GABRR3: variants seen among roughly 807,000 people sequenced by gnomAD.
GABRR3 encodes the protein gamma-aminobutyric acid type A receptor subunit rho3.
A neutral mutation model predicts 43.2 loss-of-function variants in GABRR3; 29 were observed. The ratio of observed to expected loss-of-function variants is 0.67; its 90% CI spans 0.50 to 0.92. GABRR3 has a LOEUF of 0.92. Ranked by LOEUF, GABRR3 falls within the 40% of genes least tolerant of loss-of-function variation. GABRR3 has a pLI of 0.00. For missense variants in GABRR3, 576 were observed against 572.3 expected (o/e 1.01, Z -0.07); for synonymous variants, 206 against 195.9 (o/e 1.05, Z -0.43).
chr3:98,035,011 A>G (rs1471889037), intron 1 of GABRR3, 22 bp from the exon 2 acceptor site: 1 of 1,606,868 alleles, frequency 6.2e-7, no homozygotes, highest in East Asian at 2.2e-5. Context: ...AAAAAACAGA[A>G]AGGATGCAGG....
intron 3 of GABRR3, among the ~76,000 whole-genome samples, chr3:98,024,691 G>T (rs1425326661): frequency 6.6e-6 from 1 of 152,050 alleles, no homozygotes; most frequent in African/African-American, 2.4e-5. Context: ...CACATCTCTA[G>T]GATTCTCAAA....
At chr3:98,008,778 C>A (rs1042536717) in intron 6 of GABRR3, among the ~76,000 whole-genome samples, 178 bp downstream of exon 6, 1 of 139,504 alleles carries the variant, frequency 7.2e-6, no homozygotes, top group East Asian at 2.1e-4. Context: ...CTGCCATCAA[C>A]CTTCATAAAA....
At chr3:98,004,339 A>C (rs1349702336) in intron 7 of GABRR3, among the ~76,000 whole-genome samples, 1 of 152,182 alleles carries the variant, frequency 6.6e-6, no homozygotes, top group East Asian at 1.9e-4. Flanking sequence ...TATAGAGAGT[A>C]TTATGAAACC....
In GABRR3 at chr3:98,022,746, T is replaced by C. The variant is rs148113271; in HGVS notation, c.238+2821A>G. On this transcript the variant is annotated intron_variant, in intron 3 of 9. Transcript: ENST00000621172. ...ACCATTTCACCCCAGTATATGATTG[T>C]CAGAAAAATTTCTTAATCATGGGAT... Among the ~76,000 whole-genome samples, 27 of 152,304 alleles carry C rather than the reference T, an allele frequency of 1.8e-4. 1 individual carries two copies. In the East Asian group the frequency reaches 5.2e-3, roughly 29 times the overall value.
At chr3:98,015,011 T>G (rs1211847820) in intron 4 of GABRR3, among the ~76,000 whole-genome samples, 6 of 152,146 alleles carry the variant, frequency 3.9e-5, no homozygotes, top group African/African-American at 1.2e-4. Context: ...TAAAAACAAC[T>G]TTTGAAAGTT....
intron 4 of GABRR3, 88 bp from the exon 5 acceptor site, chr3:98,012,655 C>T (rs1576044333): frequency 1.5e-5 from 13 of 853,740 alleles, no homozygotes; most frequent in Non-Finnish European, 2.5e-5. Context: ...GGACTCATTC[C>T]TATGGTGTTA....
At chr3:97,999,657 T>G (rs1486339464) in intron 8 of GABRR3, 1 of 152,100 alleles carries the variant, frequency 6.6e-6, no homozygotes, top group African/African-American at 2.4e-5. Context: ...CGGAGAGTAT[T>G]GAAAGCTAAT....
intron 3 of GABRR3, among the ~76,000 whole-genome samples, chr3:98,020,223 G>A (rs1440403644): frequency 6.6e-6 from 1 of 152,086 alleles, no homozygotes; most frequent in African/African-American, 2.4e-5. Flanking sequence ...ATGAGAGTAA[G>A]TAATGTCTCT....
chr3:97,994,249 C>T (rs987877886), intron 8 of GABRR3, among the ~76,000 whole-genome samples: 1 of 152,212 alleles, frequency 6.6e-6, no homozygotes, highest in African/African-American at 2.4e-5. Flanking sequence ...TGTAATAATT[C>T]TGTTAGGCTC....
chr3:97,995,298 C>T (rs1706521319), intron 8 of GABRR3, among the ~76,000 whole-genome samples: 1 of 152,060 alleles, frequency 6.6e-6, no homozygotes, highest in African/African-American at 2.4e-5. Context: ...AATGTCTTCT[C>T]TTATTGGTTT....
exon 2 of GABRR3, chr3:98,034,909 T>A (rs1323277089): frequency 6.2e-7 from 1 of 1,613,102 alleles, no homozygotes; most frequent in East Asian, 2.2e-5. Flanking sequence ...GTCATCTTGA[T>A]GTTAGAAGCA....
At chr3:98,015,278 C>T (rs1706860260) in intron 4 of GABRR3, among the ~76,000 whole-genome samples, 1 of 152,194 alleles carries the variant, frequency 6.6e-6, no homozygotes. Flanking sequence ...GTATAACCTC[C>T]ACCTCCCAGG....
chr3:97,990,815 T>C (rs1706457488), intron 9 of GABRR3, among the ~76,000 whole-genome samples: 1 of 151,704 alleles, frequency 6.6e-6, no homozygotes, highest in Non-Finnish European at 1.5e-5. Context: ...TGCTGTTTGA[T>C]GGGTACAGAG....
At chr3:98,019,193 AG>A (rs1191589347) in intron 3 of GABRR3, among the ~76,000 whole-genome samples, 5 of 152,180 alleles carry the variant, frequency 3.3e-5, no homozygotes, top group Admixed American at 6.5e-5. Context: ...AAAGATTTAG[AG>A]GAGTCAAGTC....
intron 3 of GABRR3, among the ~76,000 whole-genome samples, chr3:98,019,078 C>T (rs2107244218): frequency 6.7e-6 from 1 of 149,972 alleles, no homozygotes. Context: ...CCCCTGCACT[C>T]CAGTCTGGGT....
exon 9 of GABRR3, chr3:97,992,924 T>A (rs765816106): frequency 6.2e-7 from 1 of 1,613,700 alleles, no homozygotes; most frequent in South Asian, 1.1e-5. Context: ...ACTCAATGAC[T>A]GACAGGAACA....
chr3:98,001,723 C>T, exon 8 of GABRR3: 4 of 1,613,196 alleles, frequency 2.5e-6, no homozygotes, highest in Non-Finnish European at 3.4e-6. Flanking sequence ...AAGAAGAAAA[C>T]ATGCCTCCTT....
rs754589929 is a variant in GABRR3 at position 97,992,832 on chromosome 3, TAGTC to T, written c.1104+16_1104+19del. 6.4e-7 allele frequency: 1 copy of T among 1,574,732 alleles called. No homozygotes were observed. On this transcript the variant is annotated intron_variant, in intron 9 of 9. Coordinates refer to ENST00000621172, the Ensembl canonical transcript of GABRR3. ...TTTCCACATTCCCCAAGGGATCTGA[TAGTC>T]AGAGCAAGGCTGTACCTTTCCTGTC... is the stretch of plus-strand genomic sequence containing the variant.
chr3:98,034,311 C>T (rs547460593), intron 2 of GABRR3, among the ~76,000 whole-genome samples: 1 of 152,194 alleles, frequency 6.6e-6, no homozygotes, highest in South Asian at 2.1e-4. Flanking sequence ...CTTACTAGCA[C>T]GTCCAAACAT....
Sources: gnomAD v4.1 joint callset for allele counts (sites outside exome capture counted in the v4.1 genomes callset) on GRCh38, gnomAD v4.1.1 for gene constraint, MANE v1.5 for transcripts, NCBI Gene and HGNC (gene_info 2026-07-23, HGNC 2026-07-21) for gene names.